The following ZNF395 variants were observed in gnomAD, a reference collection of about 807,000 sequenced individuals.
The protein encoded by ZNF395 is HD gene regulatory region-binding protein 2.
ZNF395 carries 20 observed loss-of-function variants against 57.7 expected under a neutral mutation model. The ratio of observed to expected loss-of-function variants is 0.35; its 90% CI spans 0.24 to 0.50. ZNF395 has a LOEUF of 0.50. Among genes scored for constraint, ZNF395 ranks in the 20% least tolerant of loss-of-function variants. The probability of loss-of-function intolerance (pLI) is 0.97; values close to 1 mark genes in which losing one functional copy is unlikely to be tolerated. For synonymous variants in ZNF395, 295 were observed against 275.9 expected (o/e 1.07, Z -0.69); for missense variants, 606 against 671.2 (o/e 0.90, Z 1.07).
At chr8:28,363,711 G>A (rs764654678) in intron 1 of ZNF395, among the ~76,000 whole-genome samples, 19 of 152,192 alleles carry the variant, frequency 1.2e-4, no homozygotes, top group Non-Finnish European at 2.6e-4. Context: ...TGAAAATGAA[G>A]AAAGGGTAGT....
Position 28,352,720 on chromosome 8 carries a change from C to T in ZNF395, c.820-47G>A, listed in dbSNP as rs1394155451. 1 of 1,552,332 alleles carries T rather than the reference C, an allele frequency of 6.4e-7. No homozygotes were observed. On this transcript the variant is annotated intron_variant, in intron 5 of 9. Coordinates refer to ENST00000344423, the MANE Select transcript of ZNF395 (RefSeq NM_018660.3). This position sits in a 1 kb window ranked among gnomAD's most constrained non-coding sequence, Gnocchi z 4.0. Reference sequence around the variant, plus strand: ...TGAGTGGATATGTCTTTCTCCTTATCCCTCGCTCAACCTTACCCAGTGGGG... The same window carrying T: ...TGAGTGGATATGTCTTTCTCCTTATTCCTCGCTCAACCTTACCCAGTGGGG...
chr8:28,359,652 T>C lies in ZNF395; in HGVS notation c.413A>G (p.Glu138Gly). ...GTAGGCCAGGGCCTGGGCTCCGGGC[T>C]CCAGGGGTGGTGCCTGGGGACAGGG... ...QGPCPQAPPL[E>G]PGAQALAYRP... Residue 138 changes from glutamate (E) to glycine (G), a missense_variant, in exon 3 of 10, where the codon GAG becomes GGG. Physicochemically the swap from Glu to Gly is moderately conservative, Grantham distance 98. Around this residue, in one of 3 missense-constraint regions of ZNF395, gnomAD observed 309 missense variants for 374.7 expected, o/e 0.82. Coordinates refer to ENST00000344423, the MANE Select transcript of ZNF395 (RefSeq NM_018660.3). The surrounding 1 kb of genome is among the most constrained non-coding windows in gnomAD (Gnocchi z 4.7). The C allele has an allele frequency of 6.2e-7, 1 of 1,613,618 alleles. No homozygotes were observed. The highest frequency in any genetic ancestry group is 8.5e-7 in the Non-Finnish European group (1 of 1,179,812).
chr8:28,374,920 T>C (rs181562468), intron 1 of ZNF395, among the ~76,000 whole-genome samples: 40 of 152,304 alleles, frequency 2.6e-4, no homozygotes, highest in African/African-American at 9.4e-4. Flanking sequence ...ATTCCTAATA[T>C]AAATCCAAAT....
intron 9 of ZNF395, 126 bp from the exon 10 acceptor site, chr8:28,348,956 G>A (rs558474830): frequency 5.9e-6 from 7 of 1,189,366 alleles, no homozygotes; most frequent in African/African-American, 4.5e-5. Flanking sequence ...ACCAGGACCA[G>A]GGGCCAGAGG....
intron 8 of ZNF395, 95 bp downstream of exon 8, chr8:28,349,969 A>C: frequency 2.6e-6 from 3 of 1,170,334 alleles, no homozygotes; most frequent in Non-Finnish European, 3.5e-6. Flanking sequence ...ACCTGTGGCC[A>C]CGTGCCCCGT....
intron 1 of ZNF395, among the ~76,000 whole-genome samples, chr8:28,385,764 G>T (rs1802170574): frequency 6.8e-6 from 1 of 148,140 alleles, no homozygotes; most frequent in African/African-American, 2.4e-5. Context: ...AGGGGGCTCC[G>T]AGAGTGGGGG....
intron 1 of ZNF395, among the ~76,000 whole-genome samples, chr8:28,384,620 T>C (rs919239743): frequency 1.3e-5 from 2 of 152,230 alleles, no homozygotes; most frequent in Non-Finnish European, 2.9e-5. Context: ...TATGAGCCTC[T>C]GCTCCTCTGC....
chr8:28,385,130 A>C (rs981966246), intron 1 of ZNF395: 5 of 152,280 alleles, frequency 3.3e-5, no homozygotes, highest in African/African-American at 1.2e-4. Context: ...GTTCTAAGAA[A>C]AGCAGCGCCG....
At chr8:28,380,806 T>C (rs1341491873) in intron 1 of ZNF395, among the ~76,000 whole-genome samples, 1 of 152,246 alleles carries the variant, frequency 6.6e-6, no homozygotes, top group East Asian at 1.9e-4. Context: ...AGCCACACAT[T>C]GTTAAAATGC....
chr8:28,354,228 G>A (rs1013983797), intron 4 of ZNF395, among the ~76,000 whole-genome samples: 9 of 152,328 alleles, frequency 5.9e-5, no homozygotes, highest in East Asian at 1.9e-4. Context: ...AGCAGACATG[G>A]AGAATCTTCC....
chr8:28,363,889 T>A (rs886198604), intron 1 of ZNF395, among the ~76,000 whole-genome samples: 5 of 152,206 alleles, frequency 3.3e-5, no homozygotes, highest in African/African-American at 1.2e-4. Context: ...CGGATTCGCA[T>A]GGAGCTGGTG....
intron 3 of ZNF395, among the ~76,000 whole-genome samples, chr8:28,357,644 G>A (rs7006477): frequency 0.21 from 32,523 of 152,170 alleles, 6,308 homozygotes; most frequent in African/African-American, 0.52. Flanking sequence ...CTATTAAAAC[G>A]TGAAACACAT....
At chr8:28,361,679 C>T (rs1440720090) in intron 1 of ZNF395, among the ~76,000 whole-genome samples, 7 of 152,174 alleles carry the variant, frequency 4.6e-5, no homozygotes, top group African/African-American at 1.7e-4. Flanking sequence ...ACATCAACCA[C>T]GGCTTCCGTA....
At chr8:28,361,817 C>T (rs573923987) in intron 1 of ZNF395, among the ~76,000 whole-genome samples, 26 of 152,098 alleles carry the variant, frequency 1.7e-4, no homozygotes, top group Non-Finnish European at 2.8e-4. Context: ...CTTGGCCGGG[C>T]GTGGTGGCTC....
chr8:28,380,858 TTTTC>T (rs1802100054), intron 1 of ZNF395, among the ~76,000 whole-genome samples: 1 of 152,204 alleles, frequency 6.6e-6, no homozygotes, highest in Non-Finnish European at 1.5e-5. Flanking sequence ...GCAGTATACT[TTTTC>T]TTTGAGACAG....
intron 8 of ZNF395, 89 bp downstream of exon 8, chr8:28,349,975 C>T (rs1189006386): frequency 3.2e-6 from 4 of 1,239,036 alleles, no homozygotes; most frequent in Admixed American, 3.1e-5. Flanking sequence ...GGCCACGTGC[C>T]CCGTGCCCAA....
At chr8:28,382,872 AATAAT>A (rs1802126382) in intron 1 of ZNF395, among the ~76,000 whole-genome samples, 2 of 152,354 alleles carry the variant, frequency 1.3e-5, no homozygotes, top group African/African-American at 4.8e-5. Flanking sequence ...TTAAATGAAA[AATAAT>A]AGACTAGAAA....
At chr8:28,368,650 C>T (rs1554520035) in intron 1 of ZNF395, 1 of 142,966 alleles carries the variant, frequency 7.0e-6, no homozygotes, top group Non-Finnish European at 1.5e-5. Flanking sequence ...GCAGTAACAA[C>T]AAGCAAAAGC....
In ZNF395 at chr8:28,359,939, G is replaced by A. The variant is rs1014789236; in HGVS notation, c.241-115C>T. ...CTGCCTGCCACAAACCATGTTCTCT[G>A]CCTCACTCATCTTTTATTCAAGCAG... is the stretch of plus-strand genomic sequence containing the variant. On this transcript the variant is annotated intron_variant, in intron 2 of 9. Coordinates refer to ENST00000344423, the MANE Select transcript of ZNF395 (RefSeq NM_018660.3). This position sits in a 1 kb window ranked among gnomAD's most constrained non-coding sequence, Gnocchi z 4.7. 1 of 1,446,294 alleles carries A rather than the reference G, an allele frequency of 6.9e-7. No homozygotes were observed. The highest frequency in any genetic ancestry group is 1.4e-5 in the African/African-American group (1 of 70,832). The allele number at this position is 1,446,294 out of a possible 1,614,324, so 89.6% of individuals were successfully genotyped here.
Sources: gnomAD v4.1 joint callset for allele counts (sites outside exome capture counted in the v4.1 genomes callset) on GRCh38, gnomAD v4.1.1 for gene constraint, gnomAD v4.1.1 regional missense constraint, Gnocchi (gnomAD v3.1) non-coding constraint, MANE v1.5 for transcripts, NCBI Gene and HGNC (gene_info 2026-07-23, HGNC 2026-07-21) for gene names.